Variants in LCA5 observed in about 807,000 individuals in gnomAD.
LCA5 encodes the protein lebercilin.
Under a neutral mutation model 53.0 loss-of-function variants are expected in LCA5, and 37 were observed. The observed-to-expected ratio is 0.70, with a 90% CI of 0.54 to 0.92. The LOEUF (loss-of-function observed/expected upper bound fraction) is 0.92. LCA5 is among the 40% of genes least tolerant of loss of function. The pLI, the probability that LCA5 is intolerant of heterozygous loss-of-function variation, is 0.00. For synonymous variants in LCA5, 303 were observed against 282.9 expected (o/e 1.07, Z -0.71); for missense variants, 806 against 790.5 (o/e 1.02, Z -0.23).
At chr6:79,508,268 T>C (rs1770321385) in intron 3 of LCA5, among the ~76,000 whole-genome samples, 1 of 152,152 alleles carries the variant, frequency 6.6e-6, no homozygotes, top group African/African-American at 2.4e-5. Flanking sequence ...ATGGTGGTTG[T>C]CCCCATAGAT....
intron 3 of LCA5, among the ~76,000 whole-genome samples, chr6:79,505,035 C>G (rs571035630): frequency 6.6e-6 from 1 of 152,098 alleles, no homozygotes; most frequent in African/African-American, 2.4e-5. Context: ...GCTTGCAACG[C>G]GTAGCCTAGA....
chr6:79,520,816 T>C (rs1365895330), intron 1 of LCA5, among the ~76,000 whole-genome samples: 1 of 152,118 alleles, frequency 6.6e-6, no homozygotes, highest in Non-Finnish European at 1.5e-5. Context: ...CTCTAGGATA[T>C]ACAGAGAAAA....
chr6:79,501,258 C>T (rs1043390764), intron 3 of LCA5, among the ~76,000 whole-genome samples: 10 of 152,048 alleles, frequency 6.6e-5, no homozygotes, highest in African/African-American at 2.4e-4. Flanking sequence ...CCATCAAATT[C>T]GTTGGGCCTC....
Position 79,486,169 on chromosome 6 carries a change from T to A in LCA5, c.*835A>T, listed in dbSNP as rs1192670778. ...TTCTATAATATATTGGGATAAAGTTTTTCTATTCTTTGCAGTTGGTATGTA... is the reference window on the plus strand; with the variant it reads ...TTCTATAATATATTGGGATAAAGTTATTCTATTCTTTGCAGTTGGTATGTA... On this transcript the variant is annotated 3_prime_UTR_variant, in exon 8 of 8. Coordinates refer to ENST00000369846, the MANE Select transcript of LCA5 (RefSeq NM_001122769.3). 1 of 152,170 alleles carries A rather than the reference T, an allele frequency of 6.6e-6. No homozygotes were observed. The highest frequency in any genetic ancestry group is 2.4e-5 in the African/African-American group (1 of 41,452). The allele number at this position is 152,170 out of a possible 1,614,324, so 9.4% of individuals were successfully genotyped here.
intron 1 of LCA5, among the ~76,000 whole-genome samples, chr6:79,525,955 G>A (rs746975162): frequency 4.6e-5 from 7 of 152,188 alleles, no homozygotes; most frequent in Non-Finnish European, 1.0e-4. Flanking sequence ...CAGGCTCTGT[G>A]TGATGCAATA....
At chr6:79,491,841 C>A (rs1769852964) in intron 5 of LCA5, 111 bp from the exon 6 acceptor site, 2 of 825,830 alleles carry the variant, frequency 2.4e-6, no homozygotes, top group Non-Finnish European at 4.0e-6. Flanking sequence ...TATACATGTA[C>A]ATTTATATGC....
At chr6:79,502,719 T>A (rs1770175228) in intron 3 of LCA5, among the ~76,000 whole-genome samples, 1 of 152,068 alleles carries the variant, frequency 6.6e-6, no homozygotes, top group Admixed American at 6.6e-5. Context: ...AAACACAAAA[T>A]ATACTATTAT....
At chr6:79,505,747 A>G (rs1770256903) in intron 3 of LCA5, among the ~76,000 whole-genome samples, 1 of 152,144 alleles carries the variant, frequency 6.6e-6, no homozygotes, top group Non-Finnish European at 1.5e-5. Flanking sequence ...GGGTTTCTGA[A>G]GGGTGAAAGG....
intron 3 of LCA5, among the ~76,000 whole-genome samples, chr6:79,512,392 T>C (rs945165850): frequency 6.6e-6 from 1 of 152,042 alleles, no homozygotes; most frequent in African/African-American, 2.4e-5. Context: ...TCCCTGGGCA[T>C]GGCACTGGTA....
rs139531708 is a variant in LCA5 at position 79,491,558 on chromosome 6, T to C, written c.1098+30A>G. On this transcript the variant is annotated intron_variant, in intron 6 of 7. Coordinates refer to ENST00000369846, the MANE Select transcript of LCA5 (RefSeq NM_001122769.3). ...TTTTTAGGAATAACTTCAGACCGAGTTTGGTACATAACAATACTGCTAAAC... is the reference window on the plus strand; with the variant it reads ...TTTTTAGGAATAACTTCAGACCGAGCTTGGTACATAACAATACTGCTAAAC... The C allele has an allele frequency of 1.2e-3, 2,000 of 1,610,866 alleles. 16 individuals are homozygous for C. The African/African-American group carries it at 0.024, about 19-fold the overall frequency.
chr6:79,499,546 T>C (rs972329152), intron 3 of LCA5, among the ~76,000 whole-genome samples: 3 of 152,010 alleles, frequency 2.0e-5, no homozygotes, highest in African/African-American at 7.2e-5. Context: ...TTTTTCTGTA[T>C]ATTCAAAATA....
chr6:79,518,721 G>A lies in LCA5; in HGVS notation c.174C>T (p.Gly58=), dbSNP rs762700389. 1 of 1,614,022 alleles carries A rather than the reference G, an allele frequency of 6.2e-7. No homozygotes were observed. The highest frequency in any genetic ancestry group is 2.2e-5 in the East Asian group (1 of 44,870). ...RKNPKRQTSD[G]QVHHQAPRKP... Reference sequence around the variant, plus strand: ...AATGCTTACCTTGGTGATGTACTTGGCCATCTGAAGTTTGTCTTTTAGGAT... The same window carrying A: ...AATGCTTACCTTGGTGATGTACTTGACCATCTGAAGTTTGTCTTTTAGGAT... The change falls in exon 2 of 8, where the codon GGC becomes GGT. Residue 58 remains glycine, a synonymous_variant. Coordinates refer to ENST00000369846, the MANE Select transcript of LCA5 (RefSeq NM_001122769.3).
intron 1 of LCA5, among the ~76,000 whole-genome samples, chr6:79,536,228 A>C (rs1346089320): frequency 6.6e-6 from 1 of 152,208 alleles, no homozygotes; most frequent in Non-Finnish European, 1.5e-5. Flanking sequence ...ACATAGATTA[A>C]AATAACCATG....
intron 5 of LCA5, 106 bp from the exon 6 acceptor site, chr6:79,491,836 A>T: frequency 1.1e-6 from 1 of 903,084 alleles, no homozygotes; most frequent in African/African-American, 1.7e-5. Flanking sequence ...TTGCATATAC[A>T]TGTACATTTA....
chr6:79,490,721 T>C (rs1260255967), intron 6 of LCA5, among the ~76,000 whole-genome samples: 1 of 152,020 alleles, frequency 6.6e-6, no homozygotes, highest in East Asian at 1.9e-4. Flanking sequence ...AGAAATCAAA[T>C]CAGTTCATCC....
chr6:79,521,080 A>G (rs762324593), intron 1 of LCA5, among the ~76,000 whole-genome samples: 3 of 152,148 alleles, frequency 2.0e-5, no homozygotes, highest in Non-Finnish European at 4.4e-5. Flanking sequence ...TGAAGAACTA[A>G]TTTTTAATTT....
intron 3 of LCA5, among the ~76,000 whole-genome samples, chr6:79,504,235 T>G (rs1399400627): frequency 2.0e-5 from 3 of 152,214 alleles, no homozygotes; most frequent in Non-Finnish European, 2.9e-5. Flanking sequence ...TTTCCATTAG[T>G]ATACTAACAT....
At position 79,518,953 on chromosome 6, in the gene LCA5, C is replaced by A; in HGVS notation, c.-59G>T. On this transcript the variant is annotated 5_prime_UTR_variant, in exon 2 of 8. Transcript: ENST00000369846. ...CACAGATTATTTTCTCCAGAGGAGA[C>A]TATGACAATACTGAAAAACATTTTC... 4 of 1,494,954 alleles carry A rather than the reference C, an allele frequency of 2.7e-6. No homozygotes were observed. The highest frequency in any genetic ancestry group is 3.7e-6 in the Non-Finnish European group (4 of 1,071,504). 92.6% of individuals were successfully genotyped at this position (1,494,954 alleles called of 1,614,324 possible).
intron 1 of LCA5, among the ~76,000 whole-genome samples, chr6:79,526,183 C>T (rs967085862): frequency 6.6e-6 from 1 of 152,186 alleles, no homozygotes; most frequent in African/African-American, 2.4e-5. Context: ...AATCACCTTT[C>T]CGGTGGGGTG....
Sources: allele counts gnomAD v4.1 joint callset (sites outside exome capture counted in the v4.1 genomes callset), GRCh38; gene constraint gnomAD v4.1.1; transcripts MANE v1.5; gene names NCBI Gene and HGNC (gene_info 2026-07-23, HGNC 2026-07-21).